Variants in COL4A5 observed in about 807,000 individuals in gnomAD.
COL4A5 encodes the protein collagen type IV alpha 5 chain.
In COL4A5, 26 loss-of-function variants were observed where a neutral mutation model predicts 130.2. The observed-to-expected ratio is 0.20, with a 90% confidence interval of 0.15 to 0.28. The LOEUF (loss-of-function observed/expected upper bound fraction) is 0.28, where lower values mean the gene tolerates loss of function less well. Ranked by LOEUF, COL4A5 falls within the 10% of genes least tolerant of loss-of-function variation. The probability of loss-of-function intolerance (pLI) is 1.00; values close to 1 mark genes in which losing one functional copy is unlikely to be tolerated. For missense variants in COL4A5, 1,131 were observed against 1,344.3 expected, an observed-to-expected ratio of 0.84 and a Z score of 2.48; for synonymous variants, 496 against 439.6, an observed-to-expected ratio of 1.13 and a Z score of -1.60.
intron 1 of COL4A5, among the ~76,000 whole-genome samples, chrX:108,467,627 G>A (rs2147501526): frequency 9.0e-6 from 1 of 111,537 alleles, no homozygotes; most frequent in African/African-American, 3.3e-5. Flanking sequence ...TCCAATCCAG[G>A]AACACAAGAT....
rs1018236569 is a variant in COL4A5, at chrX:108,468,963, T to C, written c.81+28757T>C. ...TTAAATTTTTGGTAGAATTCACTAG[T>C]GAAGCTATCTAGCTATGGACTTTAC... On this transcript the variant is annotated intron_variant, in intron 1 of 52. Transcript: ENST00000328300. Among the ~76,000 whole-genome samples the C allele has an allele frequency of 4.5e-5, 5 of 111,117 alleles. No homozygotes were observed. The Admixed American group carries it at 4.8e-4, about 11-fold the overall frequency.
chrX:108,597,209 TC>T lies in COL4A5; in HGVS notation c.1587+143del, dbSNP rs1198540503. ...GTACTTTGTTTGATTCCTTGACTCT[TC>T]CTGACTCACATGCCTCACTTGATTC... On this transcript the variant is annotated intron_variant, in intron 23 of 52. Transcript: ENST00000328300. The T allele has an allele frequency of 4.0e-6, 3 of 754,825 alleles. No homozygotes were observed. The East Asian group carries it at 1.0e-4, about 26-fold the overall frequency. The allele number at this position is 754,825 out of a possible 1,213,427, so 62.2% of individuals were successfully genotyped here. A position where few individuals can be genotyped will look rare whatever the true frequency, so the allele number is the denominator to read the frequency against.
At chrX:108,474,542 C>T (rs1471451932) in intron 1 of COL4A5, among the ~76,000 whole-genome samples, 2 of 112,092 alleles carry the variant, frequency 1.8e-5, no homozygotes, top group African/African-American at 6.5e-5. Flanking sequence ...TTTCTCAGAA[C>T]ATATCCCCAT....
intron 1 of COL4A5, among the ~76,000 whole-genome samples, chrX:108,497,970 T>G (rs191186071): frequency 8.9e-6 from 1 of 111,909 alleles, no homozygotes; most frequent in East Asian, 2.8e-4. Context: ...TGGCTTATTC[T>G]TTTTCTTAAT....
rs756419651 is a variant in COL4A5 at position 108,484,965 on chromosome X, A to C, written c.81+44759A>C. The stretch of plus-strand genomic sequence containing the variant: ...CTGGAATTAAAAATCTTTGCACTCT[A>C]CCTGGTGTGTTCTATTTTACTCTAG... On this transcript the variant is annotated intron_variant, in intron 1 of 52. Transcript: ENST00000328300. 4.5e-5 allele frequency among the ~76,000 whole-genome samples: 5 copies of C among 111,721 alleles called. No individual in the cohort carries two copies. The South Asian group carries it at 1.5e-3, about 33-fold the overall frequency.
At position 108,696,709 on chromosome X, in the gene COL4A5, AAG is replaced by A. The variant is rs1274142271; in HGVS notation, c.*334_*335del. ...GGTACATTAAAAATTCAATTAAGAG[AAG>A]AGTCACATTGAGTAAAATAAAAGAC... On this transcript the variant is annotated 3_prime_UTR_variant, in exon 53 of 53. Transcript: ENST00000328300. 1.3e-5 allele frequency: 2 copies of A among 149,217 alleles called. No individual in the cohort carries two copies. The highest frequency in any genetic ancestry group is 6.3e-5 in the African/African-American group (2 of 31,806). 12.3% of individuals were successfully genotyped at this position (149,217 alleles called of 1,213,427 possible).
chrX:108,678,482 T>C (rs2068354570), intron 44 of COL4A5, among the ~76,000 whole-genome samples: 1 of 111,692 alleles, frequency 9.0e-6, no homozygotes, highest in African/African-American at 3.3e-5. Context: ...CCTTTACCAC[T>C]AAATATTTTA....
Position 108,656,857 on chromosome X carries a change from G to A in COL4A5, c.3373+1400G>A, listed in dbSNP as rs367928021. ...TTGTTCATTTTTTATTGAATTGTCTGTCCTTTTTCAAATAGATTCAGAGTA... is the reference window on the plus strand; with the variant it reads ...TTGTTCATTTTTTATTGAATTGTCTATCCTTTTTCAAATAGATTCAGAGTA... On this transcript the variant is annotated intron_variant, in intron 37 of 52. Coordinates refer to ENST00000328300, the MANE Select transcript of COL4A5 (RefSeq NM_033380.3). Among the ~76,000 whole-genome samples, 12 of 111,130 alleles carry A rather than the reference G, an allele frequency of 1.1e-4. No homozygotes were observed. In the South Asian group the frequency reaches 2.6e-3, roughly 24 times the overall value.
intron 2 of COL4A5, among the ~76,000 whole-genome samples, chrX:108,553,679 C>T (rs1318638503): frequency 8.9e-6 from 1 of 111,999 alleles, no homozygotes; most frequent in East Asian, 2.8e-4. Flanking sequence ...TTGGCAATTT[C>T]ATAAAATGTT....
chrX:108,666,983 T>C (rs2068094606), intron 39 of COL4A5, 150 bp from the exon 40 acceptor site: 1 of 513,058 alleles, frequency 1.9e-6, no homozygotes, highest in East Asian at 3.4e-5. Flanking sequence ...GAATTGCAGT[T>C]CTGTGTTGGA....
chrX:108,544,645 C>T (rs1234557942), intron 2 of COL4A5, among the ~76,000 whole-genome samples: 4 of 106,016 alleles, frequency 3.8e-5, no homozygotes, highest in African/African-American at 6.8e-5. Flanking sequence ...GGAGGATTCC[C>T]TTTTTTTTTT....
At position 108,627,556 on chromosome X, in the gene COL4A5, T is replaced by C. The variant is rs184809569; in HGVS notation, c.3246+1207T>C. 6 of 677,473 alleles carry C rather than the reference T, an allele frequency of 8.9e-6. No homozygotes were observed. The East Asian group carries it at 8.0e-4, about 91-fold the overall frequency. The allele number at this position is 677,473 out of a possible 1,213,427, so 55.8% of individuals were successfully genotyped here. Reference sequence around the variant, plus strand: ...TACATTATATCTGTGGACATATATGTAGTTATTTATACTGTATAGTTTCAT... The same window carrying C: ...TACATTATATCTGTGGACATATATGCAGTTATTTATACTGTATAGTTTCAT... On this transcript the variant is annotated intron_variant, in intron 36 of 52. Transcript: ENST00000328300.
At chrX:108,511,161 A>C (rs1333018927) in intron 1 of COL4A5, among the ~76,000 whole-genome samples, 1 of 111,788 alleles carries the variant, frequency 8.9e-6, no homozygotes, top group African/African-American at 3.2e-5. Flanking sequence ...TTAATATTTT[A>C]ATATGAGAAA....
chrX:108,671,084 T>A (rs1423400768), intron 42 of COL4A5, among the ~76,000 whole-genome samples: 1 of 111,083 alleles, frequency 9.0e-6, no homozygotes, highest in African/African-American at 3.3e-5. Context: ...AGGTTCTTAA[T>A]CTTATTTTCA....
intron 1 of COL4A5, among the ~76,000 whole-genome samples, chrX:108,463,899 T>C (rs953264090): frequency 8.9e-6 from 1 of 111,940 alleles, no homozygotes; most frequent in Non-Finnish European, 1.9e-5. Flanking sequence ...TTGCAATAGA[T>C]AGGGCAGATT....
chrX:108,619,434 T>C (rs1031325190), intron 30 of COL4A5, among the ~76,000 whole-genome samples: 1 of 111,873 alleles, frequency 8.9e-6, no homozygotes, highest in African/African-American at 3.2e-5. Flanking sequence ...GCACAGCTGG[T>C]AGGCTTTGGA....
intron 1 of COL4A5, among the ~76,000 whole-genome samples, chrX:108,507,810 A>C (rs1050474888): frequency 1.8e-5 from 2 of 111,692 alleles, no homozygotes; most frequent in Non-Finnish European, 3.8e-5. Context: ...TCCATCTCAA[A>C]ATAAACAAAT....
Position 108,444,983 on chromosome X carries a change from C to T in COL4A5, c.81+4777C>T, listed in dbSNP as rs192446712. 2.8e-3 allele frequency among the ~76,000 whole-genome samples: 307 copies of T among 111,183 alleles called. 2 individuals carry two copies. The highest frequency in any genetic ancestry group is 9.6e-3 in the African/African-American group (293 of 30,672). On this transcript the variant is annotated intron_variant, in intron 1 of 52. Coordinates refer to ENST00000328300, the MANE Select transcript of COL4A5 (RefSeq NM_033380.3). ...AATAGTAATCTTTGAGACTTAATTT[C>T]CTCATTGGCAAAAGGAAGGCCGTAG...
At chrX:108,518,199 C>T (rs1441041564) in intron 1 of COL4A5, among the ~76,000 whole-genome samples, 1 of 110,837 alleles carries the variant, frequency 9.0e-6, no homozygotes, top group Non-Finnish European at 1.9e-5. Context: ...ATCTCATTTA[C>T]CCAAATACCA....
Sources: allele counts gnomAD v4.1 joint callset (sites outside exome capture counted in the v4.1 genomes callset), GRCh38; gene constraint gnomAD v4.1.1; transcripts MANE v1.5; gene names NCBI Gene and HGNC (gene_info 2026-07-23, HGNC 2026-07-21).